The following USP33 variants were observed in gnomAD, a reference collection of about 807,000 sequenced individuals.
The protein encoded by USP33 is ubiquitin carboxyl-terminal hydrolase 33.
Under a neutral mutation model 124.2 loss-of-function variants are expected in USP33, and 46 were observed. That is an observed-to-expected ratio of 0.37 (90% CI 0.29 to 0.47). The LOEUF is 0.47. Among genes scored for constraint, USP33 ranks in the 20% least tolerant of loss-of-function variants. The probability of loss-of-function intolerance (pLI) is 0.99; values close to 1 mark genes in which losing one functional copy is unlikely to be tolerated. For missense variants in USP33, 851 were observed against 1,070.6 expected (o/e 0.79, Z 2.86); for synonymous variants, 350 against 352.3 (o/e 0.99, Z 0.07).
intron 1 of USP33, among the ~76,000 whole-genome samples, chr1:77,757,866 G>A (rs1056629194): frequency 2.0e-5 from 3 of 152,174 alleles, no homozygotes; most frequent in Non-Finnish European, 4.4e-5. Flanking sequence ...CTGGCATGAG[G>A]ATCAAGTAAG....
At position 77,700,787 on chromosome 1, in the gene USP33, G is replaced by A. The variant is rs187850182; in HGVS notation, c.2509+582C>T. ...ATGATCTCAGTTCACTGCAGCCTCC[G>A]CCTCGTGGATTCAAGCAATTCTCCT... On this transcript the variant is annotated intron_variant, in intron 22 of 23. Coordinates refer to ENST00000370794, the MANE Select transcript of USP33 (RefSeq NM_201624.3). Among the ~76,000 whole-genome samples the A allele has an allele frequency of 7.5e-5, 11 of 146,834 alleles. No homozygotes were observed. In the East Asian group the frequency reaches 1.5e-3, roughly 19 times the overall value.
At chr1:77,714,378 AAAAAGTTTAG>A (rs1344392864) in intron 19 of USP33, among the ~76,000 whole-genome samples, 1 of 152,234 alleles carries the variant, frequency 6.6e-6, no homozygotes, top group Non-Finnish European at 1.5e-5. Flanking sequence ...AGGCACTAGC[AAAAAGTTTAG>A]AAAGCATGTA....
chr1:77,741,792 C>T, intron 1 of USP33, 44 bp from the exon 2 acceptor site: 1 of 1,498,170 alleles, frequency 6.7e-7, no homozygotes, highest in Non-Finnish European at 8.9e-7. Flanking sequence ...TAAATGCTTA[C>T]AATGCCTGCA....
chr1:77,704,300 G>A (rs1028947150), intron 21 of USP33, among the ~76,000 whole-genome samples: 3 of 152,098 alleles, frequency 2.0e-5, no homozygotes, highest in Non-Finnish European at 2.9e-5. Flanking sequence ...TTAAAGTTCG[G>A]GCTTTCTGTG....
At position 77,697,297 on chromosome 1, in the gene USP33, A is replaced by C; in HGVS notation, c.*20T>G. The C allele has an allele frequency of 1.9e-6, 3 of 1,573,012 alleles. No individual in the cohort carries two copies. The highest frequency in any genetic ancestry group is 2.6e-6 in the Non-Finnish European group (3 of 1,162,336). On this transcript the variant is annotated 3_prime_UTR_variant, in exon 24 of 24. Transcript: ENST00000370794. Reference sequence around the variant, plus strand: ...GCACATGAAAATGATTCCTCATTAGAACTCTCTACATCCTAAAAATTACAA... The same window carrying C: ...GCACATGAAAATGATTCCTCATTAGCACTCTCTACATCCTAAAAATTACAA...
At chr1:77,742,761 T>C (rs1381001760) in intron 1 of USP33, among the ~76,000 whole-genome samples, 2 of 152,086 alleles carry the variant, frequency 1.3e-5, no homozygotes, top group Non-Finnish European at 2.9e-5. Context: ...AATGAAACAG[T>C]TTAAAAGTTT....
intron 5 of USP33, among the ~76,000 whole-genome samples, chr1:77,738,632 C>T (rs1382179796): frequency 6.6e-6 from 1 of 152,050 alleles, no homozygotes; most frequent in Non-Finnish European, 1.5e-5. Context: ...AGGTGCCCGC[C>T]ACCACACCCG....
Position 77,701,436 on chromosome 1 carries a change from A to G in USP33, c.2442T>C (p.Ala814=). The change falls in exon 22 of 24, where the codon GCT becomes GCC. Residue 814 remains alanine (A), a synonymous_variant. Transcript: ENST00000370794. ...ACTGCATACTGATGCAATAAAAAGT[A>G]GCTGGAGAGTCCTCTTTTTGGAACG... ...NRAFQKEDSP[A]TFYCISMQWF... The G allele has an allele frequency of 6.2e-7, 1 of 1,613,452 alleles. No homozygotes were observed. The highest frequency in any genetic ancestry group is 8.5e-7 in the Non-Finnish European group (1 of 1,179,830).
intron 7 of USP33, among the ~76,000 whole-genome samples, chr1:77,733,022 T>C (rs1678016164): frequency 6.6e-6 from 1 of 151,836 alleles, no homozygotes; most frequent in African/African-American, 2.4e-5. Context: ...CTCGAACTCC[T>C]GACCTCATGA....
intron 4 of USP33, 47 bp from the exon 5 acceptor site, chr1:77,739,464 T>C (rs753416227): frequency 9.9e-6 from 15 of 1,511,912 alleles, no homozygotes; most frequent in South Asian, 1.4e-5. Context: ...AAATTACATA[T>C]ACTTGAAAAG....
In USP33 at chr1:77,759,714, T is replaced by A. The variant is rs1681149772; in HGVS notation, c.-123A>T. 1 of 398,334 alleles carries A rather than the reference T, an allele frequency of 2.5e-6. No individual in the cohort carries two copies. Among genetic ancestry groups the A allele is most frequent in the African/African-American group, 2.1e-5 (1 of 48,582 alleles). 24.7% of individuals were successfully genotyped at this position (398,334 alleles called of 1,614,324 possible). A position where few individuals can be genotyped will look rare whatever the true frequency, so the allele number is the denominator to read the frequency against. On this transcript the variant is annotated 5_prime_UTR_variant, in exon 1 of 24. Transcript: ENST00000370794. Reference sequence around the variant, plus strand: ...CTGCAGCCGCACCTCCGCAAGCTCCTCTTTTCCTTCTCAGCTCTCGGAGAG... The same window carrying A: ...CTGCAGCCGCACCTCCGCAAGCTCCACTTTTCCTTCTCAGCTCTCGGAGAG...
intron 1 of USP33, among the ~76,000 whole-genome samples, chr1:77,750,664 G>GAAAGAAAGAAAGAAAGA (rs1557872792): frequency 3.5e-5 from 5 of 142,846 alleles, no homozygotes; most frequent in African/African-American, 1.3e-4. Context: ...AAGAAAGAAA[G>GAAAGAAAGAAAGAAAGA]AAAGAAAGAA....
At chr1:77,728,179 G>T in intron 10 of USP33, 116 bp downstream of exon 10, 4 of 1,181,712 alleles carry the variant, frequency 3.4e-6, no homozygotes, top group Non-Finnish European at 4.6e-6. Context: ...ATACTCACAT[G>T]CAAATACTGC....
At chr1:77,729,979 T>C in intron 8 of USP33, 41 bp from the exon 9 acceptor site, 1 of 1,532,524 alleles carries the variant, frequency 6.5e-7, no homozygotes, top group Non-Finnish European at 8.9e-7. Flanking sequence ...TTTTGTTATT[T>C]TTAATTTTCA....
intron 7 of USP33, 96 bp from the exon 8 acceptor site, chr1:77,730,827 G>A: frequency 1.3e-6 from 1 of 747,308 alleles, no homozygotes; most frequent in Non-Finnish European, 2.0e-6. Flanking sequence ...CATTCCTTTA[G>A]CCGTTATTTC....
At chr1:77,722,237 G>A in intron 12 of USP33, 41 bp from the exon 13 acceptor site, 17 of 1,511,198 alleles carry the variant, frequency 1.1e-5, no homozygotes, top group Non-Finnish European at 1.5e-5. Context: ...TGAACATAAT[G>A]CAGTAAAACA....
At position 77,736,173 on chromosome 1, in the gene USP33, A is replaced by C. The variant is rs752399506; in HGVS notation, c.352-15T>G. On this transcript the variant is annotated splice_polypyrimidine_tract_variant and intron_variant, in intron 5 of 23. Transcript: ENST00000370794. ...ATTTTAAAATCCTTGATAACAAAAA[A>C]AGATAGCACACTTGAACAAATCCTT... 1 of 1,551,596 alleles carries C rather than the reference A, an allele frequency of 6.4e-7. No homozygotes were observed. Among genetic ancestry groups the C allele is most frequent in the Non-Finnish European group, 8.9e-7 (1 of 1,129,574 alleles).
At chr1:77,705,343 C>T (rs1316364095) in intron 21 of USP33, among the ~76,000 whole-genome samples, 2 of 151,578 alleles carry the variant, frequency 1.3e-5, no homozygotes, top group African/African-American at 4.8e-5. Flanking sequence ...TACAGGCACC[C>T]GCCACCATGC....
intron 1 of USP33, among the ~76,000 whole-genome samples, chr1:77,756,769 A>T (rs1680838581): frequency 6.6e-6 from 1 of 152,148 alleles, no homozygotes; most frequent in Non-Finnish European, 1.5e-5. Flanking sequence ...GCTTTATAGC[A>T]TCTCACCTGC....
Sources: gnomAD v4.1 joint callset for allele counts (sites outside exome capture counted in the v4.1 genomes callset) on GRCh38, gnomAD v4.1.1 for gene constraint, MANE v1.5 for transcripts, NCBI Gene and HGNC (gene_info 2026-07-23, HGNC 2026-07-21) for gene names.